PRORP: variants seen among roughly 807,000 people sequenced by gnomAD.
PRORP encodes the protein protein only RNase P catalytic subunit.
A neutral mutation model predicts 59.4 loss-of-function variants in PRORP; 51 were observed. The ratio of observed to expected loss-of-function variants is 0.86; its 90% confidence interval spans 0.69 to 1.08. PRORP has a LOEUF of 1.08. Among genes scored for constraint, PRORP ranks in the 50% least tolerant of loss-of-function variants. PRORP has a pLI of 0.00. For missense variants in PRORP, 646 were observed against 690.3 expected (o/e 0.94, Z 0.72); for synonymous variants, 231 against 245.6 (o/e 0.94, Z 0.55).
intron 4 of PRORP, among the ~76,000 whole-genome samples, chr14:35,168,080 A>G (rs1164680142): frequency 6.6e-6 from 1 of 152,228 alleles, no homozygotes; most frequent in Non-Finnish European, 1.5e-5. Flanking sequence ...TAACATTCAC[A>G]TATAAGTCTT....
At chr14:35,148,911 A>ATTTTTTTTTT (rs1186320988) in intron 4 of PRORP, among the ~76,000 whole-genome samples, 15 of 82,844 alleles carry the variant, frequency 1.8e-4, no homozygotes, top group East Asian at 6.9e-4. Context: ...GCACTTTTTA[A>ATTTTTTTTTT]TTTTTTTTTT....
At chr14:35,272,366 A>C (rs992389477) in intron 7 of PRORP, among the ~76,000 whole-genome samples, 1 of 152,204 alleles carries the variant, frequency 6.6e-6, no homozygotes, top group Non-Finnish European at 1.5e-5. Context: ...TAATCCCAGC[A>C]CTTTGGGAGG....
rs554711195 is a variant in PRORP at position 35,194,510 on chromosome 14, G to A, written c.1275+13733G>A. ...AGAACACATGGACACAGGGAGGGGA[G>A]CATCACACACCAGGGCCTGTCGGGG... On this transcript the variant is annotated intron_variant, in intron 5 of 7. Coordinates refer to ENST00000534898, the MANE Select transcript of PRORP (RefSeq NM_014672.4). 5.3e-4 allele frequency among the ~76,000 whole-genome samples: 80 copies of A among 152,172 alleles called. 2 individuals carry two copies. In the South Asian group the frequency reaches 0.016, roughly 30 times the overall value.
At position 35,136,508 on chromosome 14, in the gene PRORP, G is replaced by A. The variant is rs1199220649; in HGVS notation, c.1167+8897G>A. 1.4e-5 allele frequency among the ~76,000 whole-genome samples: 2 copies of A among 145,050 alleles called. 1 individual carries two copies. Among genetic ancestry groups the A allele is most frequent in the Non-Finnish European group, 3.1e-5 (2 of 65,312 alleles). On this transcript the variant is annotated intron_variant, in intron 4 of 7. Transcript: ENST00000534898. ...TCCTGTCTCAGCCGCCTGAGTAGCT[G>A]GGATTACAGGCATGCACCACCACAC...
rs112455229 is a variant in PRORP, at chr14:35,143,733, C to T, written c.1167+16122C>T. 1.0e-4 allele frequency among the ~76,000 whole-genome samples: 15 copies of T among 145,102 alleles called. 3 individuals carry two copies. The South Asian group carries it at 2.5e-3, about 24-fold the overall frequency. Reference sequence around the variant, plus strand: ...CGCGATCTCGGCTCACCGCAACCTCCGCCTCCGAGGTTCAAGCGATTCTCC... The same window carrying T: ...CGCGATCTCGGCTCACCGCAACCTCTGCCTCCGAGGTTCAAGCGATTCTCC... On this transcript the variant is annotated intron_variant, in intron 4 of 7. Coordinates refer to ENST00000534898, the MANE Select transcript of PRORP (RefSeq NM_014672.4).
intron 5 of PRORP, among the ~76,000 whole-genome samples, chr14:35,234,732 G>A (rs2050165149): frequency 6.8e-6 from 1 of 146,350 alleles, no homozygotes; most frequent in Non-Finnish European, 1.5e-5. Flanking sequence ...AGTTTGGAGT[G>A]CAGTGGTGTG....
At chr14:35,237,852 C>T (rs1566517736) in intron 5 of PRORP, among the ~76,000 whole-genome samples, 1 of 152,030 alleles carries the variant, frequency 6.6e-6, no homozygotes, top group African/African-American at 2.4e-5. Flanking sequence ...GACGGGGTTT[C>T]ACTGTGTTAG....
rs770846176 is a variant in PRORP at position 35,123,650 on chromosome 14, C to A, written c.405C>A (p.Thr135=). ...TTAAGGAAGATTTAAAAGAAAACAC[C>A]GGAAAGACCAGTTTCGAAAGTTGGA... ...DKLKEDLKEN[T]GKTSFESWII... Residue 135 remains threonine, a synonymous_variant, in exon 2 of 8, where the codon ACC becomes ACA. Coordinates refer to ENST00000534898, the MANE Select transcript of PRORP (RefSeq NM_014672.4). 1 of 1,614,102 alleles carries A rather than the reference C, an allele frequency of 6.2e-7. No individual in the cohort carries two copies. Among genetic ancestry groups the A allele is most frequent in the Non-Finnish European group, 8.5e-7 (1 of 1,180,034 alleles).
intron 5 of PRORP, among the ~76,000 whole-genome samples, chr14:35,218,475 A>C (rs1301687232): frequency 6.8e-6 from 1 of 146,178 alleles, no homozygotes; most frequent in African/African-American, 2.5e-5. Context: ...AAGAAAAAAA[A>C]AAAAAAAAAA....
At chr14:35,187,428 G>GTTTT (rs34808330) in intron 5 of PRORP, among the ~76,000 whole-genome samples, 5 of 138,976 alleles carry the variant, frequency 3.6e-5, no homozygotes, top group Non-Finnish European at 3.1e-5. Flanking sequence ...TAGTTTCTTT[G>GTTTT]TTTTTTTTTT....
rs147474179 is a variant in PRORP at position 35,194,084 on chromosome 14, G to A, written c.1275+13307G>A. 3.9e-3 allele frequency among the ~76,000 whole-genome samples: 588 copies of A among 152,242 alleles called. 11 individuals carry two copies. The East Asian group carries it at 0.041, about 11-fold the overall frequency. On this transcript the variant is annotated intron_variant, in intron 5 of 7. Coordinates refer to ENST00000534898, the MANE Select transcript of PRORP (RefSeq NM_014672.4). ...GGGATGGGATTACTACTAGAGGCAG[G>A]TATGCTTACATTAGGGAGAAGAGAG... is the stretch of plus-strand genomic sequence containing the variant.
intron 4 of PRORP, among the ~76,000 whole-genome samples, chr14:35,136,469 G>A (rs552350645): frequency 3.4e-5 from 5 of 146,092 alleles, no homozygotes; most frequent in African/African-American, 1.2e-4. Context: ...CCGCCTCTCG[G>A]GTTTAAGCAA....
intron 5 of PRORP, among the ~76,000 whole-genome samples, chr14:35,241,749 C>T (rs956731486): frequency 1.3e-5 from 2 of 152,224 alleles, no homozygotes; most frequent in Admixed American, 1.3e-4. Flanking sequence ...TCTCTCCCAC[C>T]CTGCACTGTA....
intron 5 of PRORP, among the ~76,000 whole-genome samples, chr14:35,257,296 C>T (rs2050785776): frequency 1.3e-5 from 2 of 152,178 alleles, no homozygotes; most frequent in Admixed American, 6.5e-5. Flanking sequence ...TGCCACCATT[C>T]ATCTCCAGAC....
intron 5 of PRORP, among the ~76,000 whole-genome samples, chr14:35,224,346 A>G (rs1400436167): frequency 2.0e-5 from 3 of 152,232 alleles, no homozygotes; most frequent in Admixed American, 6.5e-5. Context: ...ATATTCATTT[A>G]GAACTTGCTG....
Position 35,210,106 on chromosome 14 carries a change from G to A in PRORP, c.1275+29329G>A, listed in dbSNP as rs528717813. Among the ~76,000 whole-genome samples, 5 of 152,192 alleles carry A rather than the reference G, an allele frequency of 3.3e-5. No individual in the cohort carries two copies. In the South Asian group the frequency reaches 8.3e-4, roughly 25 times the overall value. ...TAAAATTGTTCTGTATCCTAATTGT[G>A]GTTGTCATTAAAATCCATAAAACTG... is the stretch of plus-strand genomic sequence containing the variant. On this transcript the variant is annotated intron_variant, in intron 5 of 7. Transcript: ENST00000534898.
chr14:35,240,424 A>T (rs2050335414), intron 5 of PRORP, among the ~76,000 whole-genome samples: 1 of 151,712 alleles, frequency 6.6e-6, no homozygotes, highest in Non-Finnish European at 1.5e-5. Flanking sequence ...CAAGGCAACC[A>T]ATTGTGTTTT....
intron 5 of PRORP, among the ~76,000 whole-genome samples, chr14:35,244,930 G>A (rs2050449325): frequency 6.6e-6 from 1 of 152,114 alleles, no homozygotes. Context: ...GTGAGGAAGG[G>A]GCAAGATTGT....
chr14:35,211,057 G>A (rs949054329), intron 5 of PRORP, among the ~76,000 whole-genome samples: 1 of 151,964 alleles, frequency 6.6e-6, no homozygotes. Flanking sequence ...ATAGATGCGA[G>A]CCACCACGCC....
Sources: allele counts gnomAD v4.1 joint callset (sites outside exome capture counted in the v4.1 genomes callset), GRCh38; gene constraint gnomAD v4.1.1; transcripts MANE v1.5; gene names NCBI Gene and HGNC (gene_info 2026-07-23, HGNC 2026-07-21).